Variants in PARD3B observed in about 807,000 individuals in gnomAD.
The protein encoded by PARD3B is par-3 family cell polarity regulator beta, also known as partitioning defective 3 homolog B.
In PARD3B, 103 loss-of-function variants were observed where a neutral mutation model predicts 130.2. The observed-to-expected ratio is 0.79, with a 90% CI of 0.67 to 0.93. The LOEUF (loss-of-function observed/expected upper bound fraction) is 0.93. PARD3B is among the 40% of genes least tolerant of loss of function. PARD3B has a pLI of 0.00. For missense variants in PARD3B, 1,609 were observed against 1,499.2 expected, an observed-to-expected ratio of 1.07 and a Z score of -1.21; for synonymous variants, 583 against 553.2, an observed-to-expected ratio of 1.05 and a Z score of -0.76.
rs754564677 is a variant in PARD3B, at chr2:205,463,879, A to G, written c.3044+23207A>G. Among the ~76,000 whole-genome samples, 1 of 152,156 alleles carries G rather than the reference A, an allele frequency of 6.6e-6. No homozygotes were observed. Among genetic ancestry groups the G allele is most frequent in the Admixed American group, 6.5e-5 (1 of 15,276 alleles). The stretch of plus-strand genomic sequence containing the variant: ...AGGGACTTTGCTTTGGAGTAAAAGC[A>G]GCCGAGTAGGAAAATGGACTAGAAA... On this transcript the variant is annotated intron_variant, in intron 20 of 22. Coordinates refer to ENST00000406610, the MANE Select transcript of PARD3B (RefSeq NM_001302769.2). This position sits in a 1 kb window ranked among gnomAD's most constrained non-coding sequence, Gnocchi z 4.8.
intron 21 of PARD3B, among the ~76,000 whole-genome samples, chr2:205,552,090 A>C (rs1243100048): frequency 1.3e-5 from 2 of 152,214 alleles, no homozygotes; most frequent in South Asian, 4.1e-4. Flanking sequence ...ATGAGATACA[A>C]TATCTTGTCA....
chr2:204,638,775 T>C (rs2034976641), intron 1 of PARD3B, among the ~76,000 whole-genome samples: 1 of 152,216 alleles, frequency 6.6e-6, no homozygotes, highest in Non-Finnish European at 1.5e-5. Context: ...GGATATCCTA[T>C]AACCTGATGG....
At chr2:204,947,882 A>G (rs1689459405) in intron 2 of PARD3B, among the ~76,000 whole-genome samples, 1 of 152,216 alleles carries the variant, frequency 6.6e-6, no homozygotes, top group Non-Finnish European at 1.5e-5. Context: ...GCAAAATTCA[A>G]GAGCAGAAAT....
rs2029869449 is a variant in PARD3B, at chr2:205,116,625, C to T, written c.681-2296C>T. Among the ~76,000 whole-genome samples the T allele has an allele frequency of 6.6e-6, 1 of 152,152 alleles. No individual in the cohort carries two copies. ...TTGGTCCCAAATGAGACAGCTACCA[C>T]AGCCCACCAGTTCAGGGCAAAGAGG... On this transcript the variant is annotated intron_variant, in intron 6 of 22. Transcript: ENST00000406610. This position sits in a 1 kb window ranked among gnomAD's most constrained non-coding sequence, Gnocchi z 4.5.
chr2:204,770,548 T>G (rs1258594420), intron 2 of PARD3B, among the ~76,000 whole-genome samples: 1 of 152,092 alleles, frequency 6.6e-6, no homozygotes, highest in Non-Finnish European at 1.5e-5. Context: ...GTTTCTTGTA[T>G]TTTCAAAATA....
At chr2:204,982,254 T>G (rs1364831078) in intron 3 of PARD3B, among the ~76,000 whole-genome samples, 2 of 152,186 alleles carry the variant, frequency 1.3e-5, no homozygotes, top group African/African-American at 4.8e-5. Context: ...AATTATATCT[T>G]GAAAAGATAA....
At chr2:205,192,344 A>G (rs1355521676) in intron 14 of PARD3B, among the ~76,000 whole-genome samples, 1 of 152,166 alleles carries the variant, frequency 6.6e-6, no homozygotes, top group East Asian at 1.9e-4. Context: ...TTTTCACTAT[A>G]TTTGGGATTA....
At chr2:205,284,418 A>G (rs1008395455) in intron 16 of PARD3B, among the ~76,000 whole-genome samples, 1 of 152,194 alleles carries the variant, frequency 6.6e-6, no homozygotes, top group Non-Finnish European at 1.5e-5. Flanking sequence ...TGTAAGCAAG[A>G]CTGTTTAGAC....
intron 2 of PARD3B, among the ~76,000 whole-genome samples, chr2:204,874,888 A>T (rs1010960628): frequency 6.6e-6 from 1 of 152,148 alleles, no homozygotes; most frequent in African/African-American, 2.4e-5. Flanking sequence ...AAATTCATCC[A>T]TATTGTTGCA....
At chr2:204,818,842 T>C (rs914605959) in intron 2 of PARD3B, among the ~76,000 whole-genome samples, 1 of 152,234 alleles carries the variant, frequency 6.6e-6, no homozygotes, top group South Asian at 2.1e-4. Flanking sequence ...GTATGTATTA[T>C]AGGTGTGGAT....
chr2:205,503,275 T>C (rs1005215), intron 21 of PARD3B, among the ~76,000 whole-genome samples: 70,444 of 151,898 alleles, frequency 0.46, 17,863 homozygotes, highest in Middle Eastern at 0.69. Flanking sequence ...AGGTATTAGC[T>C]TCTATATGTA....
At chr2:205,156,400 C>T (rs574277650) in intron 10 of PARD3B, among the ~76,000 whole-genome samples, 1 of 151,204 alleles carries the variant, frequency 6.6e-6, no homozygotes, top group Non-Finnish European at 1.5e-5. Flanking sequence ...TACCCTAAAA[C>T]TTAAAGTATA....
Position 205,553,324 on chromosome 2 carries a change from G to A in PARD3B, c.3181G>A (p.Val1061Met). The A allele has an allele frequency of 1.9e-6, 3 of 1,613,612 alleles. No individual in the cohort carries two copies. Among genetic ancestry groups the A allele is most frequent in the Admixed American group, 1.7e-5 (1 of 60,014 alleles). Reference sequence around the variant, plus strand: ...TCTCTAATTGCTTTTCTCTCCACAGGTGCCTGGAAGGGGTCCAGATGGGAA... The same window carrying A: ...TCTCTAATTGCTTTTCTCTCCACAGATGCCTGGAAGGGGTCCAGATGGGAA... ...ARPSEYDLLW[V>M]PGRGPDGNAH... The change falls in exon 22 of 23, where the codon GTG (valine) becomes ATG (methionine). Residue 1061 changes from valine to methionine, a missense_variant and splice_region_variant. Transcript: ENST00000406610.
intron 2 of PARD3B, among the ~76,000 whole-genome samples, chr2:204,739,491 G>A (rs543361064): frequency 6.6e-6 from 1 of 152,150 alleles, no homozygotes; most frequent in South Asian, 2.1e-4. Context: ...ATTTTGCTCT[G>A]TTGCCTAGGC....
intron 3 of PARD3B, among the ~76,000 whole-genome samples, chr2:205,023,192 C>T (rs961549856): frequency 6.6e-6 from 1 of 152,156 alleles, no homozygotes; most frequent in Non-Finnish European, 1.5e-5. Context: ...TTTGTGATCG[C>T]TTTCACAGAG....
intron 22 of PARD3B, among the ~76,000 whole-genome samples, chr2:205,598,266 G>A (rs895823061): frequency 3.3e-5 from 5 of 151,860 alleles, no homozygotes; most frequent in Admixed American, 6.6e-5. Flanking sequence ...AAGGAATGGC[G>A]AAAGATGTAT....
At chr2:205,364,122 C>T (rs1179535157) in intron 18 of PARD3B, among the ~76,000 whole-genome samples, 2 of 152,118 alleles carry the variant, frequency 1.3e-5, no homozygotes, top group East Asian at 3.9e-4. Flanking sequence ...AAGTAATCAA[C>T]CATGCCAGAG....
At chr2:205,333,617 T>C (rs1169347132) in intron 18 of PARD3B, among the ~76,000 whole-genome samples, 1 of 152,208 alleles carries the variant, frequency 6.6e-6, no homozygotes, top group Non-Finnish European at 1.5e-5. Flanking sequence ...AAATCAGGTT[T>C]CTGATATAAA....
In PARD3B at chr2:205,592,474, G is replaced by A. The variant is rs868043856; in HGVS notation, c.3261-22982G>A. ...TATATTGGGTGCCTACCATGAGCCA[G>A]GCACTGGAGAGTGAACGGTGAACTC... On this transcript the variant is annotated intron_variant, in intron 22 of 22. Coordinates refer to ENST00000406610, the MANE Select transcript of PARD3B (RefSeq NM_001302769.2). The surrounding 1 kb of genome is among the most constrained non-coding windows in gnomAD (Gnocchi z 4.5). 7.9e-5 allele frequency among the ~76,000 whole-genome samples: 12 copies of A among 152,172 alleles called. No homozygotes were observed. The highest frequency in any genetic ancestry group is 2.4e-4 in the African/African-American group (10 of 41,442).
Sources: allele counts gnomAD v4.1 joint callset (sites outside exome capture counted in the v4.1 genomes callset), GRCh38; gene constraint gnomAD v4.1.1; non-coding constraint Gnocchi (gnomAD v3.1); transcripts MANE v1.5; gene names NCBI Gene and HGNC (gene_info 2026-07-23, HGNC 2026-07-21).